Variants in IQCK observed in about 807,000 individuals in gnomAD.
IQCK encodes IQ motif containing K.
IQCK carries 29 observed loss-of-function variants against 28.1 expected under a neutral mutation model. That is an observed-to-expected ratio of 1.03 (90% CI 0.77 to 1.41). The LOEUF is 1.41. Among genes scored for constraint, IQCK ranks in the 40% most tolerant of loss-of-function variants. The pLI is 0.00. For missense variants in IQCK, 359 were observed against 314.7 expected, an observed-to-expected ratio of 1.14 and a Z score of -1.07; for synonymous variants, 113 against 115.1, an observed-to-expected ratio of 0.98 and a Z score of 0.12.
intron 4 of IQCK, among the ~76,000 whole-genome samples, chr16:19,758,081 T>A (rs1343190581): frequency 6.6e-6 from 1 of 152,206 alleles, no homozygotes; most frequent in Non-Finnish European, 1.5e-5. Context: ...CATAAGCATT[T>A]TCACCCTTTA....
At chr16:19,832,349 ACTT>A (rs756642513) in intron 9 of IQCK, among the ~76,000 whole-genome samples, 4 of 151,788 alleles carry the variant, frequency 2.6e-5, no homozygotes, top group African/African-American at 4.8e-5. Context: ...AATAACTATC[ACTT>A]CTTAACGTTT....
At chr16:19,811,782 T>A (rs766321489) in intron 7 of IQCK, among the ~76,000 whole-genome samples, 2 of 152,178 alleles carry the variant, frequency 1.3e-5, no homozygotes, top group Non-Finnish European at 2.9e-5. Context: ...AGTTCATTCT[T>A]AACATTCTGT....
chr16:19,759,225 A>C (rs1431680910), intron 4 of IQCK, among the ~76,000 whole-genome samples: 2 of 151,912 alleles, frequency 1.3e-5, no homozygotes, highest in African/African-American at 4.8e-5. Context: ...TATTATTATT[A>C]TTTTGAGATG....
At chr16:19,751,140 T>C (rs1483780039) in intron 4 of IQCK, among the ~76,000 whole-genome samples, 1 of 151,926 alleles carries the variant, frequency 6.6e-6, no homozygotes, top group African/African-American at 2.4e-5. Context: ...ACCAGGGCTG[T>C]GGGGAAGAAT....
At chr16:19,771,034 G>A (rs918372469) in intron 6 of IQCK, among the ~76,000 whole-genome samples, 19 of 152,068 alleles carry the variant, frequency 1.2e-4, no homozygotes, top group African/African-American at 4.6e-4. Flanking sequence ...TGACTTAATC[G>A]CATCTGCAAA....
intron 4 of IQCK, among the ~76,000 whole-genome samples, chr16:19,736,343 G>T (rs1434604995): frequency 1.3e-5 from 2 of 151,958 alleles, no homozygotes. Flanking sequence ...GCACACTGCA[G>T]CCTCAACCTC....
chr16:19,740,615 A>G (rs1319235884), intron 4 of IQCK, among the ~76,000 whole-genome samples: 1 of 152,194 alleles, frequency 6.6e-6, no homozygotes, highest in African/African-American at 2.4e-5. Context: ...TGAACAAAGG[A>G]TGGAATATAA....
intron 7 of IQCK, among the ~76,000 whole-genome samples, chr16:19,803,472 G>A (rs1442630565): frequency 6.6e-6 from 1 of 152,010 alleles, no homozygotes; most frequent in East Asian, 1.9e-4. Flanking sequence ...TAGCTCCCAG[G>A]TGACTCTAAC....
At chr16:19,813,139 G>C (rs2055929832) in intron 7 of IQCK, among the ~76,000 whole-genome samples, 1 of 152,236 alleles carries the variant, frequency 6.6e-6, no homozygotes, top group Non-Finnish European at 1.5e-5. Context: ...TAGTCAACTG[G>C]AAGACAGATC....
rs1407741853 is a variant in IQCK, at chr16:19,825,807, CAA to C, written c.691-1216_691-1215del. The stretch of plus-strand genomic sequence containing the variant: ...ATCTCTTTAATCTCAACGTCTAGCA[CAA>C]AAGTTGGTATGAAGTAAGCAGTCAG... On this transcript the variant is annotated intron_variant, in intron 7 of 7. Transcript: ENST00000564186. This position sits in a 1 kb window ranked among gnomAD's most constrained non-coding sequence, Gnocchi z 4.2. Among the ~76,000 whole-genome samples the C allele has an allele frequency of 1.3e-5, 2 of 152,100 alleles. No individual in the cohort carries two copies. The highest frequency in any genetic ancestry group is 4.8e-5 in the African/African-American group (2 of 41,400).
intron 3 of IQCK, among the ~76,000 whole-genome samples, chr16:19,735,004 C>G (rs1181368546): frequency 6.6e-6 from 1 of 152,068 alleles, no homozygotes; most frequent in African/African-American, 2.4e-5. Flanking sequence ...CCATTATACT[C>G]TGACTCCCAA....
intron 7 of IQCK, among the ~76,000 whole-genome samples, chr16:19,812,433 C>T (rs2055920434): frequency 6.6e-6 from 1 of 152,156 alleles, no homozygotes; most frequent in African/African-American, 2.4e-5. Flanking sequence ...AGCCTACTGC[C>T]TGTTTTATAA....
At chr16:19,732,779 G>A (rs1022329081) in intron 2 of IQCK, among the ~76,000 whole-genome samples, 18 of 151,946 alleles carry the variant, frequency 1.2e-4, no homozygotes, top group African/African-American at 3.6e-4. Flanking sequence ...TTTTTCTTAC[G>A]CTACCATCAT....
At chr16:19,834,863 G>A (rs2056275593) in intron 9 of IQCK, among the ~76,000 whole-genome samples, 1 of 152,144 alleles carries the variant, frequency 6.6e-6, no homozygotes, top group African/African-American at 2.4e-5. Flanking sequence ...GAACCTTTGT[G>A]ACCAACAGTC....
intron 1 of IQCK, among the ~76,000 whole-genome samples, chr16:19,724,215 C>T (rs754178011): frequency 8.5e-5 from 13 of 152,178 alleles, no homozygotes; most frequent in Non-Finnish European, 1.5e-4. Flanking sequence ...CCACGTGGCC[C>T]CTCTTCTGGA....
At chr16:19,856,741 T>G in exon 10 of IQCK, 1 of 567,626 alleles carries the variant, frequency 1.8e-6, no homozygotes, top group South Asian at 2.4e-5. Context: ...AAAGGACCAG[T>G]CTTCACTTTC....
intron 1 of IQCK, 76 bp downstream of exon 1, chr16:19,718,563 G>T: frequency 7.4e-7 from 1 of 1,344,792 alleles, no homozygotes; most frequent in African/African-American, 1.5e-5. Context: ...AGCGCCCACT[G>T]TGCGCCTGTC....
downstream of IQCK, among the ~76,000 whole-genome samples, chr16:19,829,838 T>G (rs2056206181): frequency 6.6e-6 from 1 of 152,176 alleles, no homozygotes; most frequent in South Asian, 2.1e-4. Flanking sequence ...ATGCAATTAC[T>G]TTTGCCCCAA....
chr16:19,771,635 TG>T (rs1251465747), intron 6 of IQCK, among the ~76,000 whole-genome samples: 2 of 152,212 alleles, frequency 1.3e-5, no homozygotes, highest in African/African-American at 4.8e-5. Flanking sequence ...ACCGAAGAGC[TG>T]GCCTCCCAGA....
Sources: gnomAD v4.1 joint callset for allele counts (sites outside exome capture counted in the v4.1 genomes callset) on GRCh38, gnomAD v4.1.1 for gene constraint, Gnocchi (gnomAD v3.1) non-coding constraint, MANE v1.5 for transcripts, NCBI Gene and HGNC (gene_info 2026-07-23, HGNC 2026-07-21) for gene names.